ARHGAP6: variants seen among roughly 807,000 people sequenced by gnomAD.
ARHGAP6 encodes Rho GTPase activating protein 6.
A neutral mutation model predicts 55.7 loss-of-function variants in ARHGAP6; 16 were observed. The ratio of observed to expected loss-of-function variants is 0.29; its 90% CI spans 0.19 to 0.44. The LOEUF (loss-of-function observed/expected upper bound fraction) is 0.44, where lower values mean the gene tolerates loss of function less well. Ranked by LOEUF, ARHGAP6 falls within the 20% of genes least tolerant of loss-of-function variation. The probability of loss-of-function intolerance (pLI) is 1.00; values close to 1 mark genes in which losing one functional copy is unlikely to be tolerated. For missense variants in ARHGAP6, 698 were observed against 808.9 expected (o/e 0.86, Z 1.66); for synonymous variants, 382 against 360.9 (o/e 1.06, Z -0.66).
intron 1 of ARHGAP6, among the ~76,000 whole-genome samples, chrX:11,268,392 C>G (rs151093476): frequency 0.014 from 1,581 of 111,814 alleles, 33 homozygotes; most frequent in African/African-American, 0.048. Context: ...GTTTACTGAG[C>G]ATGTATTAGG....
chrX:11,425,998 C>G, intron 1 of ARHGAP6, among the ~76,000 whole-genome samples: 1 of 111,671 alleles, frequency 9.0e-6, no homozygotes, highest in Non-Finnish European at 1.9e-5. Context: ...AGTGGTTACC[C>G]TTTAAACTAC....
At chrX:11,405,988 C>T (rs1335002633) in intron 1 of ARHGAP6, among the ~76,000 whole-genome samples, 2 of 111,398 alleles carry the variant, frequency 1.8e-5, no homozygotes, top group Non-Finnish European at 3.8e-5. Flanking sequence ...ACTGCAGCCA[C>T]AGCCTCCCTC....
At chrX:11,453,137 T>C (rs1156425808) in intron 1 of ARHGAP6, among the ~76,000 whole-genome samples, 4 of 105,719 alleles carry the variant, frequency 3.8e-5, no homozygotes, top group African/African-American at 1.0e-4. Context: ...AAAATTTGAT[T>C]TGGGATTTAT....
At position 11,179,455 on chromosome X, in the gene ARHGAP6, G is replaced by A; in HGVS notation, c.1330-3C>T. The A allele has an allele frequency of 8.3e-7, 1 of 1,206,110 alleles. No homozygotes were observed. Among genetic ancestry groups the A allele is most frequent in the Non-Finnish European group, 1.1e-6 (1 of 893,236 alleles). The stretch of plus-strand genomic sequence containing the variant: ...CCACGGTCAAATTCCTCACGTAACT[G>A]GAAGAACAATGGTTCGAGTGGCAGT... On this transcript the variant is annotated splice_region_variant and splice_polypyrimidine_tract_variant and intron_variant, in intron 6 of 12. Transcript: ENST00000337414.
Position 11,454,012 on chromosome X carries a change from C to T in ARHGAP6, c.589-199305G>A, listed in dbSNP as rs189433522. On this transcript the variant is annotated intron_variant, in intron 1 of 12. Transcript: ENST00000337414. ...AGGCTGGAGTGCAGTGGCACGATCT[C>T]GGCTCACTGCAAGCTCCACCTCCCG... 3.7e-3 allele frequency among the ~76,000 whole-genome samples: 412 copies of T among 110,825 alleles called. 2 individuals carry two copies. The highest frequency in any genetic ancestry group is 0.012 in the African/African-American group (359 of 30,465).
intron 2 of ARHGAP6, among the ~76,000 whole-genome samples, chrX:11,229,443 T>G (rs2047097234): frequency 8.9e-6 from 1 of 112,110 alleles, no homozygotes; most frequent in Non-Finnish European, 1.9e-5. Flanking sequence ...TTATTAACAT[T>G]TATGTATGCT....
intron 1 of ARHGAP6, among the ~76,000 whole-genome samples, chrX:11,354,266 GCTCTCTCTCT>G (rs1182351194): frequency 1.4e-5 from 1 of 73,155 alleles, no homozygotes; most frequent in Non-Finnish European, 2.6e-5. Flanking sequence ...CATGGAAAGA[GCTCTCTCTCT>G]CTCTCTCTCT....
intron 9 of ARHGAP6, among the ~76,000 whole-genome samples, chrX:11,163,486 G>GT (rs755778353): frequency 5.8e-4 from 65 of 112,211 alleles, no homozygotes; most frequent in Non-Finnish European, 1.0e-3. Flanking sequence ...GTCACTGGAT[G>GT]TTCCACACCA....
intron 1 of ARHGAP6, among the ~76,000 whole-genome samples, chrX:11,264,673 T>G (rs922592810): frequency 2.7e-5 from 3 of 111,967 alleles, no homozygotes; most frequent in Non-Finnish European, 3.8e-5. Flanking sequence ...AGAAATTTCT[T>G]AATGACAGGG....
chrX:11,555,752 C>T (rs960218784), intron 1 of ARHGAP6, among the ~76,000 whole-genome samples: 1 of 110,575 alleles, frequency 9.0e-6, no homozygotes, highest in Admixed American at 9.6e-5. Flanking sequence ...ATCTCAAAAA[C>T]AACAACAACA....
chrX:11,235,696 G>T (rs756608369), intron 2 of ARHGAP6, among the ~76,000 whole-genome samples: 45 of 111,314 alleles, frequency 4.0e-4, no homozygotes, highest in Non-Finnish European at 4.9e-4. Flanking sequence ...AAGTCCCACA[G>T]ATCTCTAGGG....
intron 1 of ARHGAP6, among the ~76,000 whole-genome samples, chrX:11,531,240 G>GC (rs2051045603): frequency 9.0e-6 from 1 of 111,457 alleles, no homozygotes; most frequent in African/African-American, 3.3e-5. Context: ...TAGGAAAAAG[G>GC]ACCTTCCAAA....
At chrX:11,624,501 A>G (rs1038543417) in intron 1 of ARHGAP6, among the ~76,000 whole-genome samples, 2 of 113,296 alleles carry the variant, frequency 1.8e-5, no homozygotes, top group Non-Finnish European at 3.7e-5. Context: ...CTGAATATAT[A>G]AGGAACTCAA....
chrX:11,299,016 A>G, intron 1 of ARHGAP6: 1 of 1,185,800 alleles, frequency 8.4e-7, no homozygotes, highest in Non-Finnish European at 1.1e-6. Flanking sequence ...TCCTGTGAAA[A>G]TGGTGCAGCA....
intron 1 of ARHGAP6, among the ~76,000 whole-genome samples, chrX:11,376,474 G>A (rs1169184368): frequency 2.7e-5 from 3 of 112,859 alleles, no homozygotes; most frequent in East Asian, 5.6e-4. Context: ...CAATGAATGA[G>A]GGCAGCTTCT....
intron 1 of ARHGAP6, among the ~76,000 whole-genome samples, chrX:11,624,295 G>A (rs1377707159): frequency 2.7e-5 from 3 of 112,544 alleles, no homozygotes; most frequent in African/African-American, 9.7e-5. Context: ...CAGGGCAAAT[G>A]CTTCAGGACA....
At chrX:11,636,032 G>A (rs1176698431) in intron 1 of ARHGAP6, among the ~76,000 whole-genome samples, 1 of 111,747 alleles carries the variant, frequency 8.9e-6, no homozygotes, top group African/African-American at 3.3e-5. Context: ...ACTCTAAAGA[G>A]CCTTCTTAGA....
chrX:11,155,369 G>A (rs1020944603), intron 10 of ARHGAP6, among the ~76,000 whole-genome samples: 2 of 110,778 alleles, frequency 1.8e-5, no homozygotes, highest in African/African-American at 6.6e-5. Flanking sequence ...GTGCAGTCTC[G>A]GCTCACTGCA....
chrX:11,394,971 T>C (rs1048550295), intron 1 of ARHGAP6, among the ~76,000 whole-genome samples: 3 of 112,317 alleles, frequency 2.7e-5, no homozygotes, highest in Admixed American at 9.5e-5. Context: ...ATTAGTCATG[T>C]TGTCCTTCTG....
Sources: gnomAD v4.1 joint callset for allele counts (sites outside exome capture counted in the v4.1 genomes callset) on GRCh38, gnomAD v4.1.1 for gene constraint, MANE v1.5 for transcripts, NCBI Gene and HGNC (gene_info 2026-07-23, HGNC 2026-07-21) for gene names.